The following CNTN5 variants were observed in gnomAD, a reference collection of about 807,000 sequenced individuals.
The protein encoded by CNTN5 is contactin-5.
In CNTN5, 77 loss-of-function variants were observed where a neutral mutation model predicts 129.1. That is an observed-to-expected ratio of 0.60 (90% CI 0.50 to 0.72). The LOEUF (loss-of-function observed/expected upper bound fraction) is 0.72, where lower values mean the gene tolerates loss of function less well. Ranked by LOEUF, CNTN5 falls within the 30% of genes least tolerant of loss-of-function variation. The probability of loss-of-function intolerance (pLI) is 0.00; values close to 1 mark genes in which losing one functional copy is unlikely to be tolerated. For missense variants in CNTN5, 1,478 were observed against 1,328.8 expected (o/e 1.11, Z -1.75); for synonymous variants, 509 against 465.6 (o/e 1.09, Z -1.20).
At chr11:99,213,219 GTA>G (rs1859899773) in intron 1 of CNTN5, among the ~76,000 whole-genome samples, 19 of 96,392 alleles carry the variant, frequency 2.0e-4, no homozygotes, top group African/African-American at 1.1e-4. Context: ...ATATGTGTGT[GTA>G]TATATATATA....
At chr11:99,990,300 C>G (rs938198551) in intron 8 of CNTN5, among the ~76,000 whole-genome samples, 1 of 151,908 alleles carries the variant, frequency 6.6e-6, no homozygotes, top group Admixed American at 6.6e-5. Flanking sequence ...ATAGTGTAAG[C>G]CAGCCCCTTG....
At chr11:99,409,754 T>G (rs1942304399) in intron 2 of CNTN5, among the ~76,000 whole-genome samples, 1 of 152,188 alleles carries the variant, frequency 6.6e-6, no homozygotes, top group Admixed American at 6.5e-5. Context: ...AGCCATCAAG[T>G]GTGGGTTGCA....
intron 13 of CNTN5, among the ~76,000 whole-genome samples, chr11:100,181,115 C>A (rs941528835): frequency 3.9e-5 from 6 of 151,922 alleles, no homozygotes; most frequent in African/African-American, 1.2e-4. Context: ...ATGCTTGTAG[C>A]AATTTTGTTT....
At chr11:99,460,462 A>G (rs898241993) in intron 2 of CNTN5, among the ~76,000 whole-genome samples, 1 of 151,960 alleles carries the variant, frequency 6.6e-6, no homozygotes, top group African/African-American at 2.4e-5. Context: ...CTCTTTAAAT[A>G]TCAGAAATAT....
At chr11:100,181,745 G>A (rs1948144945) in intron 13 of CNTN5, among the ~76,000 whole-genome samples, 1 of 151,860 alleles carries the variant, frequency 6.6e-6, no homozygotes, top group Admixed American at 6.6e-5. Context: ...TCTCCAAAAT[G>A]TTCATTTATT....
Position 100,350,815 on chromosome 11 carries a change from T to C in CNTN5, c.3144T>C (p.Tyr1048=), listed in dbSNP as rs1218306066. The C allele has an allele frequency of 2.5e-6, 4 of 1,606,452 alleles. No homozygotes were observed. Among genetic ancestry groups the C allele is most frequent in the South Asian group, 2.2e-5 (2 of 90,006 alleles). The part of the protein sequence containing the change: ...AGVYIIEVRA[Y]SEGGDGTASS... Reference sequence around the variant, plus strand: ...TCTATATTATTGAAGTTCGAGCATATAGTGAAGGAGGAGATGGAACAGCTA... The same window carrying C: ...TCTATATTATTGAAGTTCGAGCATACAGTGAAGGAGGAGATGGAACAGCTA... Residue 1048 remains tyrosine, a synonymous_variant, in exon 24 of 25, where the codon TAT becomes TAC. Transcript: ENST00000524871.
At chr11:100,193,071 G>T (rs1470717221) in intron 14 of CNTN5, among the ~76,000 whole-genome samples, 1 of 151,884 alleles carries the variant, frequency 6.6e-6, no homozygotes, top group East Asian at 1.9e-4. Flanking sequence ...TCATCTTTAA[G>T]CAAGTGAACC....
chr11:99,552,640 G>GCTTGGCA (rs1948531367), intron 2 of CNTN5, among the ~76,000 whole-genome samples: 3 of 152,174 alleles, frequency 2.0e-5, no homozygotes. Flanking sequence ...GACACAGTAT[G>GCTTGGCA]TGCTTGGCAT....
intron 18 of CNTN5, among the ~76,000 whole-genome samples, chr11:100,272,008 G>A (rs1342908924): frequency 6.6e-6 from 1 of 152,060 alleles, no homozygotes; most frequent in Non-Finnish European, 1.5e-5. Context: ...GAAAGTATCT[G>A]GTTAGACATT....
chr11:99,031,534 G>A (rs1402649791), intron 1 of CNTN5, among the ~76,000 whole-genome samples: 1 of 151,666 alleles, frequency 6.6e-6, no homozygotes, highest in Non-Finnish European at 1.5e-5. Flanking sequence ...AAAAGGTGAA[G>A]AAAGCCACCA....
At chr11:99,798,487 T>G (rs1946017211) in intron 3 of CNTN5, among the ~76,000 whole-genome samples, 1 of 152,196 alleles carries the variant, frequency 6.6e-6, no homozygotes, top group Admixed American at 6.5e-5. Flanking sequence ...TGCGTACAGT[T>G]AGACAGCTAT....
chr11:99,576,112 A>G (rs1949341521), intron 3 of CNTN5, among the ~76,000 whole-genome samples: 1 of 152,188 alleles, frequency 6.6e-6, no homozygotes, highest in Admixed American at 6.5e-5. Context: ...ATAGAAACAA[A>G]TAACCGCTTT....
chr11:99,421,389 G>C (rs1461113802), intron 2 of CNTN5, among the ~76,000 whole-genome samples: 1 of 152,142 alleles, frequency 6.6e-6, no homozygotes, highest in Admixed American at 6.5e-5. Flanking sequence ...CTGGGAAGAA[G>C]AATGGGCTCT....
At chr11:99,337,641 T>C (rs550342960) in intron 2 of CNTN5, among the ~76,000 whole-genome samples, 1 of 152,310 alleles carries the variant, frequency 6.6e-6, no homozygotes, top group Admixed American at 6.5e-5. Context: ...ATGGCGATTA[T>C]GGACATGTTA....
chr11:99,545,302 T>G lies in CNTN5; in HGVS notation c.-70-10843T>G, dbSNP rs555128201. Among the ~76,000 whole-genome samples, 118 of 152,348 alleles carry G rather than the reference T, an allele frequency of 7.7e-4. 1 individual carries two copies. Among genetic ancestry groups the G allele is most frequent in the African/African-American group, 2.8e-3 (117 of 41,588 alleles). On this transcript the variant is annotated intron_variant, in intron 2 of 24. Coordinates refer to ENST00000524871, the MANE Select transcript of CNTN5 (RefSeq NM_014361.4). ...TGCCTATAACAAGACATTGTTTAAA[T>G]GCAATTTAGCCCTGTGGTTTCGACT...
intron 6 of CNTN5, among the ~76,000 whole-genome samples, chr11:99,849,251 AG>A (rs895582858): frequency 2.0e-5 from 3 of 151,624 alleles, no homozygotes; most frequent in Non-Finnish European, 4.4e-5. Context: ...ATATCATCGA[AG>A]TTTTCTTTCT....
At chr11:99,718,074 C>T (rs566333312) in intron 3 of CNTN5, among the ~76,000 whole-genome samples, 1 of 152,226 alleles carries the variant, frequency 6.6e-6, no homozygotes, top group East Asian at 1.9e-4. Flanking sequence ...TATCATATAA[C>T]TCTCCTTAAT....
chr11:100,061,714 T>G (rs896875363), intron 10 of CNTN5, among the ~76,000 whole-genome samples: 1 of 152,146 alleles, frequency 6.6e-6, no homozygotes, highest in African/African-American at 2.4e-5. Flanking sequence ...ATTCTACAAC[T>G]TGGCCAGAAT....
chr11:100,179,047 C>G (rs1289175872), intron 13 of CNTN5, among the ~76,000 whole-genome samples: 2 of 152,138 alleles, frequency 1.3e-5, no homozygotes, highest in Non-Finnish European at 2.9e-5. Context: ...AGGGCAAGCA[C>G]TCATCATTTC....
Sources: allele counts gnomAD v4.1 joint callset (sites outside exome capture counted in the v4.1 genomes callset), GRCh38; gene constraint gnomAD v4.1.1; transcripts MANE v1.5; gene names NCBI Gene and HGNC (gene_info 2026-07-23, HGNC 2026-07-21).